The following UBE2E2 variants were observed in gnomAD, a reference collection of about 807,000 sequenced individuals.
UBE2E2 encodes the protein ubiquitin conjugating enzyme E2 E2, also known as ubiquitin-conjugating enzyme E2 E2.
In UBE2E2, 6 loss-of-function variants were observed where a neutral mutation model predicts 24.7. The observed-to-expected ratio is 0.24, with a 90% CI of 0.13 to 0.48. The LOEUF is 0.48. UBE2E2 is among the 20% of genes least tolerant of loss of function. The probability of loss-of-function intolerance (pLI) is 0.99; values close to 1 mark genes in which losing one functional copy is unlikely to be tolerated. For synonymous variants in UBE2E2, 104 were observed against 83.6 expected, an observed-to-expected ratio of 1.24 and a Z score of -1.33; for missense variants, 169 against 245.0, an observed-to-expected ratio of 0.69 and a Z score of 2.07.
At chr3:23,284,555 T>G (rs1698566584) in intron 3 of UBE2E2, among the ~76,000 whole-genome samples, 1 of 152,102 alleles carries the variant, frequency 6.6e-6, no homozygotes, top group Non-Finnish European at 1.5e-5. Context: ...TTGAAATGAC[T>G]GGTTACTTGA....
At chr3:23,286,449 G>A (rs1276521338) in intron 3 of UBE2E2, among the ~76,000 whole-genome samples, 1 of 152,088 alleles carries the variant, frequency 6.6e-6, no homozygotes, top group African/African-American at 2.4e-5. Flanking sequence ...TGTCAAAAAT[G>A]AGTTCACTGT....
chr3:23,352,763 G>C (rs1575580316), intron 3 of UBE2E2, among the ~76,000 whole-genome samples: 1 of 152,094 alleles, frequency 6.6e-6, no homozygotes, highest in South Asian at 2.1e-4. Flanking sequence ...ACCAAAAAGA[G>C]TCCAGGACCA....
chr3:23,244,007 A>T (rs1697322111), intron 3 of UBE2E2, among the ~76,000 whole-genome samples: 1 of 152,034 alleles, frequency 6.6e-6, no homozygotes, highest in African/African-American at 2.4e-5. Flanking sequence ...TTGTCCAATC[A>T]TGAAGGTTTA....
intron 5 of UBE2E2, among the ~76,000 whole-genome samples, chr3:23,533,668 G>T (rs1184942119): frequency 8.1e-6 from 1 of 123,188 alleles, no homozygotes; most frequent in African/African-American, 3.3e-5. Context: ...GTGTCACCCA[G>T]GCTGGAGTGC....
In UBE2E2 at chr3:23,404,615, A is replaced by T. The variant is rs935575731; in HGVS notation, c.228-94993A>T. Reference sequence around the variant, plus strand: ...AGACTGTGTACTGATTTCCTTTTTAAAAATTCTGTTTTATGAGTTTGTTTA... The same window carrying T: ...AGACTGTGTACTGATTTCCTTTTTATAAATTCTGTTTTATGAGTTTGTTTA... On this transcript the variant is annotated intron_variant, in intron 3 of 5. Transcript: ENST00000396703. Among the ~76,000 whole-genome samples, 14 of 152,274 alleles carry T rather than the reference A, an allele frequency of 9.2e-5. No individual in the cohort carries two copies. In the East Asian group the frequency reaches 2.7e-3, roughly 29 times the overall value.
chr3:23,293,681 C>G (rs979520133), intron 3 of UBE2E2, among the ~76,000 whole-genome samples: 3 of 152,172 alleles, frequency 2.0e-5, no homozygotes, highest in Non-Finnish European at 4.4e-5. Context: ...TATCTTTCCT[C>G]TAGAGTAAGA....
Position 23,589,689 on chromosome 3 carries a change from C to T in UBE2E2, c.509-45C>T. ...CCAGCTTTCTGAACACTTCTTCCCCCACAGTGCTGGTATTTACTGACTCCC... is the reference window on the plus strand; with the variant it reads ...CCAGCTTTCTGAACACTTCTTCCCCTACAGTGCTGGTATTTACTGACTCCC... On this transcript the variant is annotated intron_variant, in intron 5 of 5. Transcript: ENST00000396703. The surrounding 1 kb of genome is among the most constrained non-coding windows in gnomAD (Gnocchi z 4.1). 1 of 1,597,934 alleles carries T rather than the reference C, an allele frequency of 6.3e-7. No homozygotes were observed. The highest frequency in any genetic ancestry group is 1.1e-5 in the South Asian group (1 of 90,142).
At chr3:23,423,624 A>T (rs1280515452) in intron 3 of UBE2E2, among the ~76,000 whole-genome samples, 1 of 152,184 alleles carries the variant, frequency 6.6e-6, no homozygotes, top group East Asian at 1.9e-4. Context: ...TAATCTATAT[A>T]ATGCTTGCAT....
chr3:23,224,180 T>TTTTTTTTTTTTTTTTTG (rs1696749725), intron 3 of UBE2E2, among the ~76,000 whole-genome samples: 1 of 135,234 alleles, frequency 7.4e-6, no homozygotes, highest in Non-Finnish European at 1.6e-5. Flanking sequence ...TTTTTTTTTT[T>TTTTTTTTTTTTTTTTTG]ACTATTTCTG....
chr3:23,298,454 T>A (rs1698975099), intron 3 of UBE2E2, among the ~76,000 whole-genome samples: 1 of 152,236 alleles, frequency 6.6e-6, no homozygotes, highest in African/African-American at 2.4e-5. Context: ...TATTTTGAGA[T>A]ACGTCCCATC....
At chr3:23,480,017 C>A (rs1194233422) in intron 3 of UBE2E2, among the ~76,000 whole-genome samples, 1 of 152,174 alleles carries the variant, frequency 6.6e-6, no homozygotes, top group Non-Finnish European at 1.5e-5. Flanking sequence ...TTCAGGCCAT[C>A]CCCAGCCTGA....
intron 3 of UBE2E2, among the ~76,000 whole-genome samples, chr3:23,429,325 AT>A (rs1160960196): frequency 6.6e-6 from 1 of 152,214 alleles, no homozygotes; most frequent in Non-Finnish European, 1.5e-5. Context: ...AGACAAAGAC[AT>A]TGCAAGAAAA....
chr3:23,497,291 G>A (rs891767779), intron 3 of UBE2E2, among the ~76,000 whole-genome samples: 1 of 152,148 alleles, frequency 6.6e-6, no homozygotes, highest in African/African-American at 2.4e-5. Context: ...TTACGGTATT[G>A]CACAAACACA....
intron 3 of UBE2E2, among the ~76,000 whole-genome samples, chr3:23,282,637 C>T (rs947244079): frequency 2.6e-5 from 4 of 152,028 alleles, no homozygotes; most frequent in African/African-American, 2.4e-5. Flanking sequence ...TAGAGCTTTT[C>T]GTCTTTCAGG....
At chr3:23,221,595 G>T (rs1696644336) in intron 3 of UBE2E2, among the ~76,000 whole-genome samples, 1 of 151,874 alleles carries the variant, frequency 6.6e-6, no homozygotes, top group Admixed American at 6.6e-5. Flanking sequence ...TTTACAAAGT[G>T]TAATATTTTC....
At chr3:23,575,563 T>C (rs1310957586) in intron 5 of UBE2E2, among the ~76,000 whole-genome samples, 3 of 152,106 alleles carry the variant, frequency 2.0e-5, no homozygotes, top group African/African-American at 7.2e-5. Context: ...AATGTTAAAC[T>C]TCAGTAGGTA....
chr3:23,271,518 C>G (rs1365954861), intron 3 of UBE2E2, among the ~76,000 whole-genome samples: 1 of 152,168 alleles, frequency 6.6e-6, no homozygotes, highest in Non-Finnish European at 1.5e-5. Flanking sequence ...CCTTATCTGA[C>G]CCCACCCACA....
Position 23,561,116 on chromosome 3 carries a change from T to C in UBE2E2, c.508+28415T>C, listed in dbSNP as rs546709443. Among the ~76,000 whole-genome samples the C allele has an allele frequency of 8.2e-3, 1,247 of 152,316 alleles. 14 individuals carry two copies. The highest frequency in any genetic ancestry group is 0.028 in the African/African-American group (1,144 of 41,564). On this transcript the variant is annotated intron_variant, in intron 5 of 5. Transcript: ENST00000396703. ...TTTTGGCTTTTGTTGCCATTGCTTTTGGTGTTTTAGACATGAAGTCCTTGA... is the reference window on the plus strand; with the variant it reads ...TTTTGGCTTTTGTTGCCATTGCTTTCGGTGTTTTAGACATGAAGTCCTTGA...
chr3:23,493,921 A>G (rs542550694), intron 3 of UBE2E2, among the ~76,000 whole-genome samples: 3 of 152,280 alleles, frequency 2.0e-5, no homozygotes, highest in East Asian at 1.9e-4. Context: ...GAGGGTTACT[A>G]TTTTCCAAGT....
Sources: allele counts gnomAD v4.1 joint callset (sites outside exome capture counted in the v4.1 genomes callset), GRCh38; gene constraint gnomAD v4.1.1; non-coding constraint Gnocchi (gnomAD v3.1); transcripts MANE v1.5; gene names NCBI Gene and HGNC (gene_info 2026-07-23, HGNC 2026-07-21).